ASIC2: variants seen among roughly 807,000 people sequenced by gnomAD.
ASIC2 encodes the protein acid sensing ion channel subunit 2.
Under a neutral mutation model 57.3 loss-of-function variants are expected in ASIC2, and 25 were observed. The ratio of observed to expected loss-of-function variants is 0.44; its 90% CI spans 0.32 to 0.61. The LOEUF (loss-of-function observed/expected upper bound fraction) is 0.61, where lower values mean the gene tolerates loss of function less well. ASIC2 is among the 20% of genes least tolerant of loss of function. ASIC2 has a pLI of 0.06. For missense variants in ASIC2, 641 were observed against 738.1 expected (o/e 0.87, Z 1.52); for synonymous variants, 319 against 307.5 (o/e 1.04, Z -0.39).
chr17:33,135,085 A>C (rs1488339663), intron 1 of ASIC2, among the ~76,000 whole-genome samples: 3 of 152,160 alleles, frequency 2.0e-5, no homozygotes, highest in Non-Finnish European at 4.4e-5. Flanking sequence ...TATGCTAATA[A>C]GTGGTAAAAT....
At chr17:33,634,518 T>C (rs893434778) in intron 1 of ASIC2, among the ~76,000 whole-genome samples, 46 of 143,492 alleles carry the variant, frequency 3.2e-4, no homozygotes, top group Non-Finnish European at 5.8e-4. Flanking sequence ...TTTTTTCTTT[T>C]TTTTTTTTTT....
chr17:33,083,368 G>A (rs1201678568), intron 3 of ASIC2, among the ~76,000 whole-genome samples: 1 of 152,156 alleles, frequency 6.6e-6, no homozygotes, highest in East Asian at 1.9e-4. Flanking sequence ...TGTACCCTTG[G>A]AAGTGTGACA....
At chr17:34,034,027 C>T (rs1907747762) in intron 1 of ASIC2, among the ~76,000 whole-genome samples, 1 of 152,170 alleles carries the variant, frequency 6.6e-6, no homozygotes, top group African/African-American at 2.4e-5. Flanking sequence ...CAGCATCATC[C>T]TGATACCAAA....
intron 1 of ASIC2, among the ~76,000 whole-genome samples, chr17:33,546,014 G>T (rs1220470774): frequency 1.3e-5 from 2 of 151,800 alleles, no homozygotes; most frequent in African/African-American, 4.8e-5. Flanking sequence ...TCTCTTCCTT[G>T]TTCCTATTGA....
upstream of ASIC2, among the ~76,000 whole-genome samples, chr17:33,296,223 T>C (rs1905715907): frequency 1.3e-5 from 2 of 152,178 alleles, no homozygotes; most frequent in East Asian, 1.9e-4. Flanking sequence ...GCAAATACCA[T>C]TTTTTCTCTA....
intron 1 of ASIC2, among the ~76,000 whole-genome samples, chr17:33,539,923 C>A (rs948027282): frequency 6.6e-6 from 1 of 152,182 alleles, no homozygotes; most frequent in Non-Finnish European, 1.5e-5. Context: ...GGTGAAGGGG[C>A]AGGGACAGCG....
At chr17:33,125,171 A>T (rs1210716064) in intron 1 of ASIC2, among the ~76,000 whole-genome samples, 1 of 152,210 alleles carries the variant, frequency 6.6e-6, no homozygotes, top group African/African-American at 2.4e-5. Flanking sequence ...GCCACAGGGC[A>T]ATATGAGGGT....
At chr17:33,569,166 T>A (rs1005598976) in intron 1 of ASIC2, 11 of 152,376 alleles carry the variant, frequency 7.2e-5, no homozygotes, top group African/African-American at 2.4e-4. Flanking sequence ...TCATTGAGCA[T>A]CTACTGTGTG....
intron 1 of ASIC2, among the ~76,000 whole-genome samples, chr17:33,154,709 A>G (rs535109458): frequency 4.9e-4 from 74 of 152,372 alleles, no homozygotes; most frequent in African/African-American, 1.5e-3. Context: ...AAGGAGGCAG[A>G]GAAGAGCAGT....
At chr17:33,496,379 G>T (rs761938865) in intron 1 of ASIC2, among the ~76,000 whole-genome samples, 1 of 152,090 alleles carries the variant, frequency 6.6e-6, no homozygotes, top group Non-Finnish European at 1.5e-5. Flanking sequence ...CACTGCGGTT[G>T]TCTTCCTCAG....
intron 1 of ASIC2, among the ~76,000 whole-genome samples, chr17:33,554,927 T>G (rs1915860730): frequency 6.6e-6 from 1 of 152,140 alleles, no homozygotes; most frequent in African/African-American, 2.4e-5. Flanking sequence ...GCCTCTCACA[T>G]ATCAAGGTGA....
intron 1 of ASIC2, among the ~76,000 whole-genome samples, chr17:33,215,571 C>A (rs979757605): frequency 6.6e-6 from 1 of 152,116 alleles, no homozygotes; most frequent in Non-Finnish European, 1.5e-5. Context: ...TTTAAAAAAT[C>A]TAAAACATTA....
chr17:33,740,120 C>T (rs1393558661), intron 1 of ASIC2, among the ~76,000 whole-genome samples: 1 of 152,118 alleles, frequency 6.6e-6, no homozygotes, highest in Non-Finnish European at 1.5e-5. Flanking sequence ...TAGCCAAGTA[C>T]AATATATGCC....
In ASIC2 at chr17:34,038,130, T is replaced by C. The variant is rs1907961566; in HGVS notation, c.555+117848A>G. 5 of 1,612,612 alleles carry C rather than the reference T, an allele frequency of 3.1e-6. No individual in the cohort carries two copies. In the African/African-American group the frequency reaches 6.7e-5, roughly 21 times the overall value. ...GTAATTTTTATCTCTCCACACCCTG[T>C]ACCATTTTCTAAAAGAATATTACCT... On this transcript the variant is annotated intron_variant, in intron 1 of 9. Transcript: ENST00000359872.
intron 2 of ASIC2, among the ~76,000 whole-genome samples, chr17:33,104,713 C>G (rs761319121): frequency 2.6e-5 from 4 of 152,166 alleles, no homozygotes; most frequent in Non-Finnish European, 5.9e-5. Context: ...AGAGATGCTG[C>G]CTAAACCTCT....
At chr17:34,042,914 A>C (rs2142047231) in intron 1 of ASIC2, among the ~76,000 whole-genome samples, 1 of 152,234 alleles carries the variant, frequency 6.6e-6, no homozygotes, top group East Asian at 1.9e-4. Context: ...TAAAATAAAT[A>C]AATGTTGATT....
At chr17:33,554,996 C>T (rs955966306) in intron 1 of ASIC2, among the ~76,000 whole-genome samples, 4 of 152,070 alleles carry the variant, frequency 2.6e-5, no homozygotes, top group African/African-American at 9.7e-5. Flanking sequence ...GCAAGATACC[C>T]ATCATTATCT....
At chr17:33,378,222 A>G (rs1394392) in intron 1 of ASIC2, among the ~76,000 whole-genome samples, 60,826 of 152,120 alleles carry the variant, frequency 0.4, 13,917 homozygotes, top group East Asian at 0.71. Flanking sequence ...TTGTGATCAT[A>G]TGCATGACAC....
intron 1 of ASIC2, among the ~76,000 whole-genome samples, chr17:33,235,225 T>G (rs1908247484): frequency 1.3e-5 from 2 of 152,060 alleles, no homozygotes; most frequent in South Asian, 4.2e-4. Context: ...AAAACCAAAC[T>G]AGGTCAGTGT....
Sources: gnomAD v4.1 joint callset for allele counts (sites outside exome capture counted in the v4.1 genomes callset) on GRCh38, gnomAD v4.1.1 for gene constraint, MANE v1.5 for transcripts, NCBI Gene and HGNC (gene_info 2026-07-23, HGNC 2026-07-21) for gene names.